CYFIP1: variants seen among roughly 807,000 people sequenced by gnomAD.
CYFIP1 encodes the protein cytoplasmic FMR1-interacting protein 1.
In CYFIP1, 58 loss-of-function variants were observed where a neutral mutation model predicts 163.5. The ratio of observed to expected loss-of-function variants is 0.35; its 90% CI spans 0.29 to 0.44. The LOEUF (loss-of-function observed/expected upper bound fraction) is 0.44. Ranked by LOEUF, CYFIP1 falls within the 20% of genes least tolerant of loss-of-function variation. CYFIP1 has a pLI of 1.00. For missense variants in CYFIP1, 1,338 were observed against 1,653.8 expected, an observed-to-expected ratio of 0.81 and a Z score of 3.31; for synonymous variants, 663 against 660.7, an observed-to-expected ratio of 1.00 and a Z score of -0.05.
At chr15:22,972,764 G>A (rs1008218810) in intron 1 of CYFIP1, among the ~76,000 whole-genome samples, 1 of 152,154 alleles carries the variant, frequency 6.6e-6, no homozygotes, top group Non-Finnish European at 1.5e-5. Flanking sequence ...TATAATCCCT[G>A]CGAAGCCCAG....
At chr15:22,926,848 C>T (rs1263384648) in intron 12 of CYFIP1, among the ~76,000 whole-genome samples, 2 of 152,112 alleles carry the variant, frequency 1.3e-5, no homozygotes, top group Non-Finnish European at 2.9e-5. Context: ...TGGTACATTT[C>T]AGAATAGATA....
intron 23 of CYFIP1, among the ~76,000 whole-genome samples, chr15:22,890,378 G>T (rs1479363985): frequency 6.6e-6 from 1 of 151,988 alleles, no homozygotes; most frequent in East Asian, 1.9e-4. Flanking sequence ...ATCACATGGA[G>T]CAGAATGGAG....
intron 22 of CYFIP1, among the ~76,000 whole-genome samples, chr15:22,894,833 T>C (rs1036565897): frequency 4.1e-5 from 6 of 147,206 alleles, no homozygotes; most frequent in Admixed American, 1.4e-4. Flanking sequence ...TATATATACA[T>C]TTATAGTCTA....
At chr15:22,912,640 C>T (rs2060825949) in intron 17 of CYFIP1, among the ~76,000 whole-genome samples, 1 of 152,202 alleles carries the variant, frequency 6.6e-6, no homozygotes, top group South Asian at 2.1e-4. Context: ...CTCCAAGGAC[C>T]AGGCTTGGTG....
In CYFIP1 at chr15:22,869,028, A is replaced by G. The variant is rs187636697; in HGVS notation, c.*1000T>C. ...ATGTTCGTGACTCTACTGGTAGTCT[A>G]GACCGATTGTTTTTCATTCTGACAG... On this transcript the variant is annotated 3_prime_UTR_variant, in exon 31 of 31. Coordinates refer to ENST00000617928, the MANE Select transcript of CYFIP1 (RefSeq NM_014608.6). 1.3e-5 allele frequency: 2 copies of G among 152,298 alleles called. No homozygotes were observed. The highest frequency in any genetic ancestry group is 3.9e-4 in the East Asian group (2 of 5,184). 9.4% of individuals were successfully genotyped at this position (152,298 alleles called of 1,614,324 possible). A position where few individuals can be genotyped will look rare whatever the true frequency, so the allele number is the denominator to read the frequency against.
At chr15:22,943,447 G>A (rs771023004) in intron 5 of CYFIP1, 93 bp from the exon 6 acceptor site, 36 of 1,339,122 alleles carry the variant, frequency 2.7e-5, no homozygotes, top group African/African-American at 2.2e-4. Flanking sequence ...ACTGCTCCTC[G>A]ATGAGAAACG....
At chr15:22,887,068 T>G (rs1316195073) in intron 23 of CYFIP1, among the ~76,000 whole-genome samples, 1 of 152,224 alleles carries the variant, frequency 6.6e-6, no homozygotes, top group Non-Finnish European at 1.5e-5. Context: ...TGATTTTATC[T>G]TATATTAATA....
chr15:22,920,013 C>T (rs2061119206), intron 13 of CYFIP1, among the ~76,000 whole-genome samples: 1 of 151,356 alleles, frequency 6.6e-6, no homozygotes, highest in Non-Finnish European at 1.5e-5. Flanking sequence ...CAGAGCGAGA[C>T]CCTGTCTCAA....
At position 22,929,894 on chromosome 15, in the gene CYFIP1, C is replaced by T. The variant is rs1460810689; in HGVS notation, c.1111-1866G>A. ...GAGCTTGCAGTGAGCCGAGATCGCGCCACTGCACTCCAGCCTGGGCAACAG... is the reference window on the plus strand; with the variant it reads ...GAGCTTGCAGTGAGCCGAGATCGCGTCACTGCACTCCAGCCTGGGCAACAG... On this transcript the variant is annotated intron_variant, in intron 11 of 30. Coordinates refer to ENST00000617928, the MANE Select transcript of CYFIP1 (RefSeq NM_014608.6). 9.9e-5 allele frequency among the ~76,000 whole-genome samples: 15 copies of T among 151,348 alleles called. No homozygotes were observed. The East Asian group carries it at 2.7e-3, about 28-fold the overall frequency.
chr15:22,872,917 C>G lies in CYFIP1; in HGVS notation c.3505G>C (p.Gly1169Arg), dbSNP rs755303881. 1.7e-5 allele frequency: 27 copies of G among 1,613,962 alleles called. No homozygotes were observed. The Admixed American group carries it at 3.8e-4, about 23-fold the overall frequency. The change falls in exon 30 of 31, where the codon GGG becomes CGG. Residue 1169 changes from glycine to arginine, a missense_variant. This residue lies in a region of CYFIP1 where 306 missense variants were observed against 322.1 expected (regional missense o/e 0.95). Transcript: ENST00000617928. ...AGCACAGCAAAACGCCGCTGCTGCC[C>G]AAGAAGTACGATGATCATACAGCCA... ...WAGCMIIVLL[G>R]QQRRFAVLDF...
chr15:22,946,413 G>C (rs928151313), intron 3 of CYFIP1, among the ~76,000 whole-genome samples: 2 of 152,106 alleles, frequency 1.3e-5, no homozygotes, highest in Non-Finnish European at 2.9e-5. Context: ...GGCTAAGGTG[G>C]GCAGATCACT....
intron 10 of CYFIP1, 63 bp from the exon 11 acceptor site, chr15:22,932,403 A>G: frequency 8.7e-7 from 1 of 1,149,474 alleles, no homozygotes; most frequent in Non-Finnish European, 1.2e-6. Flanking sequence ...GCACTGGGGC[A>G]GCTCAGGACG....
intron 13 of CYFIP1, among the ~76,000 whole-genome samples, chr15:22,923,479 G>A (rs548474483): frequency 6.6e-6 from 1 of 152,256 alleles, no homozygotes; most frequent in African/African-American, 2.4e-5. Flanking sequence ...AGTTTGGTGT[G>A]GATGTGGGGA....
At chr15:22,952,297 G>C (rs1396806805) in intron 1 of CYFIP1, among the ~76,000 whole-genome samples, 1 of 152,068 alleles carries the variant, frequency 6.6e-6, no homozygotes, top group Non-Finnish European at 1.5e-5. Context: ...GCTCTAGCTG[G>C]ACAGTGGTGG....
rs569633269 is a variant in CYFIP1 at position 22,917,050 on chromosome 15, G to C, written c.1675-420C>G. On this transcript the variant is annotated intron_variant, in intron 15 of 30. Transcript: ENST00000617928. This position sits in a 1 kb window ranked among gnomAD's most constrained non-coding sequence, Gnocchi z 4.2. Reference sequence around the variant, plus strand: ...TAGAGCTAGACACGGACAGACAGGAGGGAGAGGCAGGAGAGAGACGTTAGT... The same window carrying C: ...TAGAGCTAGACACGGACAGACAGGACGGAGAGGCAGGAGAGAGACGTTAGT... 8 of 1,519,926 alleles carry C rather than the reference G, an allele frequency of 5.3e-6. No homozygotes were observed. Among genetic ancestry groups the C allele is most frequent in the South Asian group, 2.5e-5 (2 of 79,234 alleles). The allele number at this position is 1,519,926 out of a possible 1,614,324, so 94.2% of individuals were successfully genotyped here.
Position 22,917,717 on chromosome 15 carries a change from C to G in CYFIP1, c.1674+71G>C. 4 of 1,495,650 alleles carry G rather than the reference C, an allele frequency of 2.7e-6. No homozygotes were observed. In the South Asian group the frequency reaches 5.3e-5, roughly 20 times the overall value. The allele number at this position is 1,495,650 out of a possible 1,614,324, so 92.6% of individuals were successfully genotyped here. On this transcript the variant is annotated intron_variant, in intron 15 of 30. Transcript: ENST00000617928. This position sits in a 1 kb window ranked among gnomAD's most constrained non-coding sequence, Gnocchi z 4.2. ...CCTCATTTAACCCGGGCCTCACCAG[C>G]CCCACCCGCTCACAGCTCAGGGTGG...
intron 26 of CYFIP1, 50 bp downstream of exon 26, chr15:22,879,862 TG>T: frequency 1.0e-6 from 1 of 989,438 alleles, no homozygotes. Flanking sequence ...GCCGGTGGGG[TG>T]GGGTGGGGTG....
intron 1 of CYFIP1, among the ~76,000 whole-genome samples, chr15:22,957,449 A>T (rs1264150343): frequency 6.6e-6 from 1 of 152,196 alleles, no homozygotes; most frequent in Non-Finnish European, 1.5e-5. Flanking sequence ...ATCCTAGCTA[A>T]CACGGTGAAA....
intron 21 of CYFIP1, among the ~76,000 whole-genome samples, chr15:22,908,146 G>A (rs1822058737): frequency 2.0e-5 from 3 of 152,168 alleles, no homozygotes; most frequent in African/African-American, 7.2e-5. Flanking sequence ...ACAGAAGGTA[G>A]GACTAACTGG....
Sources: allele counts gnomAD v4.1 joint callset (sites outside exome capture counted in the v4.1 genomes callset), GRCh38; gene constraint gnomAD v4.1.1; regional missense constraint gnomAD v4.1.1; non-coding constraint Gnocchi (gnomAD v3.1); transcripts MANE v1.5; gene names NCBI Gene and HGNC (gene_info 2026-07-23, HGNC 2026-07-21).